Variants in STAU2 observed in about 807,000 individuals in gnomAD.
STAU2 encodes double-stranded RNA-binding protein Staufen homolog 2.
In STAU2, 20 loss-of-function variants were observed where a neutral mutation model predicts 65.9. The ratio of observed to expected loss-of-function variants is 0.30; its 90% confidence interval spans 0.21 to 0.44. STAU2 has a LOEUF of 0.44. Ranked by LOEUF, STAU2 falls within the 20% of genes least tolerant of loss-of-function variation. STAU2 has a pLI of 1.00. For synonymous variants in STAU2, 232 were observed against 233.9 expected (o/e 0.99, Z 0.07); for missense variants, 558 against 683.9 (o/e 0.82, Z 2.05).
At chr8:73,518,052 A>G (rs532514921) in intron 13 of STAU2, among the ~76,000 whole-genome samples, 1 of 152,366 alleles carries the variant, frequency 6.6e-6, no homozygotes, top group South Asian at 2.1e-4. Flanking sequence ...TTAAAAAAAA[A>G]GTTCTGCTCA....
chr8:73,643,694 G>A (rs192934572), intron 6 of STAU2, among the ~76,000 whole-genome samples: 21 of 152,282 alleles, frequency 1.4e-4, no homozygotes, highest in Admixed American at 1.1e-3. Flanking sequence ...AACTACTGCC[G>A]TGTTTGAAAA....
intron 5 of STAU2, among the ~76,000 whole-genome samples, chr8:73,673,940 C>T (rs1402042067): frequency 3.3e-5 from 5 of 151,874 alleles, no homozygotes; most frequent in Non-Finnish European, 7.4e-5. Flanking sequence ...TACTACACAC[C>T]TTGCTTCTTT....
In STAU2 at chr8:73,556,227, T is replaced by C. The variant is rs116731367; in HGVS notation, c.1223-3908A>G. ...AAACAATTCCATATTATCAGACATC[T>C]AATTTATCTCCAGTTTTTTGCAATT... On this transcript the variant is annotated intron_variant, in intron 12 of 14. Coordinates refer to ENST00000524300, the MANE Select transcript of STAU2 (RefSeq NM_001164380.2). Among the ~76,000 whole-genome samples the C allele has an allele frequency of 3.2e-3, 482 of 151,858 alleles. 5 individuals are homozygous for C. Among genetic ancestry groups the C allele is most frequent in the African/African-American group, 0.011 (468 of 41,116 alleles).
chr8:73,705,127 AT>A (rs1420977828), intron 4 of STAU2, among the ~76,000 whole-genome samples: 1 of 152,212 alleles, frequency 6.6e-6, no homozygotes, highest in African/African-American at 2.4e-5. Context: ...ATAAGCAATG[AT>A]ATAATTATTT....
At chr8:73,523,786 T>C (rs1449636774) in intron 13 of STAU2, among the ~76,000 whole-genome samples, 4 of 152,180 alleles carry the variant, frequency 2.6e-5, no homozygotes, top group Admixed American at 1.3e-4. Flanking sequence ...GAATTGAAGT[T>C]GGATAAGTGG....
At chr8:73,514,004 T>C (rs1822565919) in intron 13 of STAU2, among the ~76,000 whole-genome samples, 1 of 152,228 alleles carries the variant, frequency 6.6e-6, no homozygotes, top group Admixed American at 6.5e-5. Context: ...TTGAGTGTCT[T>C]TTATCAATTT....
chr8:73,607,283 G>A (rs1388506772), intron 9 of STAU2, among the ~76,000 whole-genome samples: 4 of 152,162 alleles, frequency 2.6e-5, no homozygotes, highest in Admixed American at 6.6e-5. Context: ...GCATGAGGAC[G>A]TGATGGAAGA....
chr8:73,557,098 T>C (rs1807844985), intron 12 of STAU2, among the ~76,000 whole-genome samples: 1 of 152,188 alleles, frequency 6.6e-6, no homozygotes, highest in South Asian at 2.1e-4. Flanking sequence ...CTTAACAGCA[T>C]TACTTCAGTA....
chr8:73,740,504 A>C (rs1444298825), intron 1 of STAU2, among the ~76,000 whole-genome samples: 1 of 152,242 alleles, frequency 6.6e-6, no homozygotes, highest in Non-Finnish European at 1.5e-5. Context: ...ATTATTCACA[A>C]GTGTAGCATT....
At chr8:73,740,644 A>G (rs1021259683) in intron 1 of STAU2, among the ~76,000 whole-genome samples, 2 of 152,166 alleles carry the variant, frequency 1.3e-5, no homozygotes, top group African/African-American at 4.8e-5. Context: ...CAGTTCATTT[A>G]AAAAGTAAAG....
At chr8:73,699,860 C>CAAAAAAAAA (rs201419278) in intron 4 of STAU2, among the ~76,000 whole-genome samples, 4 of 88,874 alleles carry the variant, frequency 4.5e-5, no homozygotes, top group East Asian at 3.4e-4. Context: ...AAACACACAT[C>CAAAAAAAAA]AAAAAAAAAA....
At chr8:73,638,366 T>C (rs1814705203) in intron 6 of STAU2, among the ~76,000 whole-genome samples, 1 of 150,148 alleles carries the variant, frequency 6.7e-6, no homozygotes, top group Non-Finnish European at 1.5e-5. Context: ...TTTCAAATAA[T>C]AGCTATTTCT....
At chr8:73,479,545 G>A (rs4237005) in intron 13 of STAU2, among the ~76,000 whole-genome samples, 31,802 of 149,892 alleles carry the variant, frequency 0.21, 4,012 homozygotes, top group East Asian at 0.54. Flanking sequence ...TACATGTTAG[G>A]CTGTATGAAA....
chr8:73,677,445 A>G (rs540337675), intron 5 of STAU2, among the ~76,000 whole-genome samples: 1 of 152,350 alleles, frequency 6.6e-6, no homozygotes, highest in African/African-American at 2.4e-5. Context: ...TCAAATACGT[A>G]TAATAGTACA....
intron 13 of STAU2, among the ~76,000 whole-genome samples, chr8:73,523,694 A>T (rs10096922): frequency 0.11 from 17,160 of 152,092 alleles, 1,243 homozygotes; most frequent in Non-Finnish European, 0.17. Context: ...AGCCTTTCGA[A>T]TGGTTTCTTT....
chr8:73,527,808 T>G lies in STAU2; in HGVS notation c.1530+24204A>C, dbSNP rs1012053505. 21 of 1,533,972 alleles carry G rather than the reference T, an allele frequency of 1.4e-5. No homozygotes were observed. In the South Asian group the frequency reaches 2.4e-4, roughly 17 times the overall value. Reference sequence around the variant, plus strand: ...TTTGTCTATCACAGTAGTGAACCTATAACAGAACACACGCAATCCACTGAA... The same window carrying G: ...TTTGTCTATCACAGTAGTGAACCTAGAACAGAACACACGCAATCCACTGAA... On this transcript the variant is annotated intron_variant, in intron 13 of 14. Transcript: ENST00000524300.
At chr8:73,618,442 G>C (rs1397175348) in intron 6 of STAU2, among the ~76,000 whole-genome samples, 1 of 152,196 alleles carries the variant, frequency 6.6e-6, no homozygotes, top group Non-Finnish European at 1.5e-5. Flanking sequence ...AGGGCAGCGA[G>C]GCGGGAGTGT....
intron 5 of STAU2, among the ~76,000 whole-genome samples, chr8:73,680,827 A>G (rs1183279411): frequency 6.6e-6 from 1 of 152,042 alleles, no homozygotes; most frequent in Non-Finnish European, 1.5e-5. Context: ...ATATACTGCA[A>G]AGTTTCAACA....
In STAU2 at chr8:73,548,793, C is replaced by G. The variant is rs139277660; in HGVS notation, c.1530+3219G>C. Among the ~76,000 whole-genome samples, 383 of 152,276 alleles carry G rather than the reference C, an allele frequency of 2.5e-3. 2 individuals are homozygous for G. The highest frequency in any genetic ancestry group is 8.7e-3 in the African/African-American group (360 of 41,580). ...CAACACTGTTACAGTGGATGATGCT[C>G]ACAGGAGAGGCACAGAATAGCAAAC... On this transcript the variant is annotated intron_variant, in intron 13 of 14. Transcript: ENST00000524300.
Sources: allele counts gnomAD v4.1 joint callset (sites outside exome capture counted in the v4.1 genomes callset), GRCh38; gene constraint gnomAD v4.1.1; transcripts MANE v1.5; gene names NCBI Gene and HGNC (gene_info 2026-07-23, HGNC 2026-07-21).